The following SLC7A1 variants were observed in gnomAD, a reference collection of about 807,000 sequenced individuals.
SLC7A1 encodes the protein high affinity cationic amino acid transporter 1.
In SLC7A1, 10 loss-of-function variants were observed where a neutral mutation model predicts 53.9. The observed-to-expected ratio is 0.19, with a 90% CI of 0.11 to 0.31. SLC7A1 has a LOEUF of 0.31. SLC7A1 is among the 10% of genes least tolerant of loss of function. SLC7A1 has a pLI of 1.00. For missense variants in SLC7A1, 525 were observed against 827.2 expected (o/e 0.63, Z 4.48); for synonymous variants, 342 against 338.7 (o/e 1.01, Z -0.11).
At chr13:29,587,346 G>A (rs1871924770) in intron 1 of SLC7A1, among the ~76,000 whole-genome samples, 1 of 152,170 alleles carries the variant, frequency 6.6e-6, no homozygotes, top group Admixed American at 6.5e-5. Flanking sequence ...GCAGGGAAGC[G>A]AGATCCAAAC....
chr13:29,593,808 C>T (rs1010157776), intron 1 of SLC7A1, among the ~76,000 whole-genome samples: 27 of 151,790 alleles, frequency 1.8e-4, no homozygotes, highest in Non-Finnish European at 3.5e-4. Flanking sequence ...TACAGGAGCA[C>T]GTGGCTCTAG....
At position 29,513,160 on chromosome 13, in the gene SLC7A1, G is replaced by C. The variant is rs985007921; in HGVS notation, c.*1320C>G. On this transcript the variant is annotated 3_prime_UTR_variant, in exon 13 of 13. Coordinates refer to ENST00000380752, the MANE Select transcript of SLC7A1 (RefSeq NM_003045.5). ...CGCAGGCCCCGACCCAGGCAAGACG[G>C]GGGTGGCGTGCACTGGAGCTATGGG... The C allele has an allele frequency of 6.6e-6, 1 of 152,548 alleles. No individual in the cohort carries two copies. Among genetic ancestry groups the C allele is most frequent in the Non-Finnish European group, 1.5e-5 (1 of 68,106 alleles). 9.4% of individuals were successfully genotyped at this position (152,548 alleles called of 1,614,324 possible). A position where few individuals can be genotyped will look rare whatever the true frequency, so the allele number is the denominator to read the frequency against.
intron 5 of SLC7A1, among the ~76,000 whole-genome samples, chr13:29,527,103 G>C (rs924068426): frequency 3.3e-5 from 5 of 151,490 alleles, no homozygotes; most frequent in African/African-American, 1.2e-4. Flanking sequence ...TGCAGGGCAT[G>C]CTAGTAAGCA....
rs1246066452 is a variant in SLC7A1 at position 29,574,558 on chromosome 13, G to GA, written c.-114-20699dup. On this transcript the variant is annotated intron_variant, in intron 1 of 12. Coordinates refer to ENST00000380752, the MANE Select transcript of SLC7A1 (RefSeq NM_003045.5). ...GCTGTCTTCTCAAAGAGCCTGTTTT[G>GA]AAATTTGAAATCTTACATAAAAATG... 6.7e-5 allele frequency among the ~76,000 whole-genome samples: 10 copies of GA among 150,322 alleles called. No individual in the cohort carries two copies. In the East Asian group the frequency reaches 1.6e-3, roughly 24 times the overall value.
chr13:29,522,530 C>T (rs925419353), intron 7 of SLC7A1, 74 bp from the exon 8 acceptor site: 39 of 1,533,426 alleles, frequency 2.5e-5, no homozygotes, highest in South Asian at 4.6e-5. Context: ...CAGCCATGCT[C>T]GGTTTACCAC....
intron 2 of SLC7A1, among the ~76,000 whole-genome samples, chr13:29,544,867 CGGG>C (rs11305796): frequency 7.8e-5 from 9 of 115,576 alleles, no homozygotes; most frequent in African/African-American, 1.6e-4. Context: ...CCTGCCTCAT[CGGG>C]GGGGGGGGGC....
rs775617675 is a variant in SLC7A1, at chr13:29,532,979, G to A, written c.374C>T (p.Thr125Ile). Residue 125 changes from threonine to isoleucine, a missense_variant, in exon 4 of 13, where the codon ACT becomes ATT. Thr to Ile is a moderately conservative substitution (Grantham distance 89). This residue lies in a region of SLC7A1 where 354 missense variants were observed against 587.5 expected (regional missense o/e 0.60). Transcript: ENST00000380752. Reference protein sequence around the residue: ...WNLILSYIIGTSSVARAWSAT... With the variant: ...WNLILSYIIGISSVARAWSAT... ...GCTCCAGGCCCTCGCTACGCTTGAAGTACCTGCCACAAAGCACACACAACA... is the reference window on the plus strand; with the variant it reads ...GCTCCAGGCCCTCGCTACGCTTGAAATACCTGCCACAAAGCACACACAACA... 6.2e-7 allele frequency: 1 copy of A among 1,610,820 alleles called. No individual in the cohort carries two copies. The highest frequency in any genetic ancestry group is 2.2e-5 in the East Asian group (1 of 44,762).
intron 1 of SLC7A1, among the ~76,000 whole-genome samples, chr13:29,577,651 T>C (rs1447244572): frequency 6.6e-6 from 1 of 152,238 alleles, no homozygotes; most frequent in East Asian, 1.9e-4. Flanking sequence ...CTGACGGGCC[T>C]CTTGGCCACC....
At chr13:29,580,324 G>A (rs1291267227) in intron 1 of SLC7A1, among the ~76,000 whole-genome samples, 1 of 152,188 alleles carries the variant, frequency 6.6e-6, no homozygotes, top group Non-Finnish European at 1.5e-5. Flanking sequence ...GGGTTCTCAG[G>A]CTCCAAGGTA....
intron 9 of SLC7A1, 99 bp downstream of exon 9, chr13:29,519,348 C>T (rs1868515335): frequency 2.8e-6 from 2 of 709,510 alleles, no homozygotes; most frequent in East Asian, 2.8e-5. Flanking sequence ...TATCACCAAC[C>T]TAAAAGTTTC....
chr13:29,584,336 G>A (rs1012858586), intron 1 of SLC7A1, among the ~76,000 whole-genome samples: 2 of 152,016 alleles, frequency 1.3e-5, no homozygotes, highest in Non-Finnish European at 1.5e-5. Context: ...TAGTAGAGAC[G>A]GGGTTTCACC....
intron 1 of SLC7A1, among the ~76,000 whole-genome samples, chr13:29,570,944 T>G (rs1871165178): frequency 6.6e-6 from 1 of 152,216 alleles, no homozygotes; most frequent in Non-Finnish European, 1.5e-5. Flanking sequence ...TTCAATGAAT[T>G]TATATATGTA....
chr13:29,592,721 A>G (rs550688324), intron 1 of SLC7A1, among the ~76,000 whole-genome samples: 17 of 152,284 alleles, frequency 1.1e-4, no homozygotes, highest in African/African-American at 4.1e-4. Context: ...CCACAAATGA[A>G]GCTACTACTC....
At chr13:29,592,427 T>A (rs1446664240) in intron 1 of SLC7A1, among the ~76,000 whole-genome samples, 1 of 152,176 alleles carries the variant, frequency 6.6e-6, no homozygotes, top group East Asian at 1.9e-4. Flanking sequence ...GTAAATGGCA[T>A]CCCCTGGGTC....
intron 2 of SLC7A1, among the ~76,000 whole-genome samples, chr13:29,542,771 T>G (rs1216892051): frequency 6.7e-6 from 1 of 150,174 alleles, no homozygotes; most frequent in African/African-American, 2.4e-5. Context: ...CTCAAAAGTA[T>G]GAGGATGGGA....
chr13:29,531,353 C>A (rs1869153449), intron 4 of SLC7A1, among the ~76,000 whole-genome samples: 1 of 152,014 alleles, frequency 6.6e-6, no homozygotes, highest in African/African-American at 2.4e-5. Flanking sequence ...AATAAAGATG[C>A]CCAGGAACCT....
chr13:29,523,910 C>A (rs955998535), intron 6 of SLC7A1, among the ~76,000 whole-genome samples: 6 of 152,190 alleles, frequency 3.9e-5, no homozygotes, highest in Non-Finnish European at 5.9e-5. Context: ...AACAGCGGAA[C>A]CTTAGCCTTA....
At chr13:29,539,224 A>G (rs1220919516) in intron 2 of SLC7A1, among the ~76,000 whole-genome samples, 3 of 152,200 alleles carry the variant, frequency 2.0e-5, no homozygotes, top group African/African-American at 7.2e-5. Flanking sequence ...CCAAAGCCAC[A>G]AGAGGAACCA....
At chr13:29,585,903 C>T (rs911581973) in intron 1 of SLC7A1, among the ~76,000 whole-genome samples, 5 of 152,088 alleles carry the variant, frequency 3.3e-5, no homozygotes, top group East Asian at 1.9e-4. Flanking sequence ...GAAACCAGGA[C>T]GACATATGAA....
Sources: allele counts gnomAD v4.1 joint callset (sites outside exome capture counted in the v4.1 genomes callset), GRCh38; gene constraint gnomAD v4.1.1; regional missense constraint gnomAD v4.1.1; transcripts MANE v1.5; gene names NCBI Gene and HGNC (gene_info 2026-07-23, HGNC 2026-07-21).